Variants in LRP1B observed in about 807,000 individuals in gnomAD.
The protein encoded by LRP1B is low-density lipoprotein receptor-related protein 1B.
In LRP1B, 217 loss-of-function variants were observed where a neutral mutation model predicts 556.6. The observed-to-expected ratio is 0.39, with a 90% CI of 0.35 to 0.44. The LOEUF (loss-of-function observed/expected upper bound fraction) is 0.44. Ranked by LOEUF, LRP1B falls within the 20% of genes least tolerant of loss-of-function variation. LRP1B has a pLI of 1.00. For synonymous variants in LRP1B, 2,047 were observed against 1,865.8 expected (o/e 1.10, Z -2.50); for missense variants, 5,053 against 5,620.8 (o/e 0.90, Z 3.23).
chr2:141,976,932 G>A (rs1701903213), intron 1 of LRP1B, among the ~76,000 whole-genome samples: 1 of 152,038 alleles, frequency 6.6e-6, no homozygotes, highest in African/African-American at 2.4e-5. Flanking sequence ...GACAATTTAA[G>A]GAAGATATGC....
intron 37 of LRP1B, among the ~76,000 whole-genome samples, chr2:140,711,889 C>A (rs1404811783): frequency 6.6e-6 from 1 of 152,148 alleles, no homozygotes; most frequent in Non-Finnish European, 1.5e-5. Flanking sequence ...CTCATTTAAT[C>A]CTCCCAATTA....
At chr2:141,334,840 C>T (rs1437058620) in intron 3 of LRP1B, among the ~76,000 whole-genome samples, 1 of 152,174 alleles carries the variant, frequency 6.6e-6, no homozygotes, top group Non-Finnish European at 1.5e-5. Context: ...GCATGACCCA[C>T]CATGCCCGGC....
chr2:141,064,098 G>A (rs945006962), intron 7 of LRP1B, among the ~76,000 whole-genome samples: 2 of 152,050 alleles, frequency 1.3e-5, no homozygotes, highest in Non-Finnish European at 2.9e-5. Flanking sequence ...AACCTTGGAG[G>A]CATGCTGTTA....
intron 1 of LRP1B, among the ~76,000 whole-genome samples, chr2:142,058,075 C>T (rs1022529823): frequency 3.9e-5 from 6 of 152,094 alleles, no homozygotes; most frequent in African/African-American, 1.4e-4. Flanking sequence ...TGAATATGTA[C>T]TTTTGCTTTC....
chr2:140,420,886 G>A (rs997648060), intron 66 of LRP1B, among the ~76,000 whole-genome samples: 7 of 152,218 alleles, frequency 4.6e-5, no homozygotes, highest in East Asian at 3.9e-4. Context: ...AAATAAGTCC[G>A]TTATCTTGAT....
chr2:141,281,666 C>A (rs780079129), intron 3 of LRP1B, among the ~76,000 whole-genome samples: 4 of 151,996 alleles, frequency 2.6e-5, no homozygotes, highest in Non-Finnish European at 4.4e-5. Context: ...ATTTACATAA[C>A]TGTATTCTGC....
intron 43 of LRP1B, among the ~76,000 whole-genome samples, chr2:140,565,360 T>A (rs1681088217): frequency 6.6e-6 from 1 of 151,948 alleles, no homozygotes; most frequent in Non-Finnish European, 1.5e-5. Flanking sequence ...AATAAAATGT[T>A]TGAAAATTAG....
chr2:140,788,016 A>G (rs55663868), intron 32 of LRP1B, among the ~76,000 whole-genome samples: 65,811 of 152,054 alleles, frequency 0.43, 15,860 homozygotes, highest in East Asian at 0.58. Context: ...GTTTGGAAGC[A>G]CACAAACTTG....
At chr2:140,537,242 T>A (rs1200254130) in intron 45 of LRP1B, among the ~76,000 whole-genome samples, 1 of 148,480 alleles carries the variant, frequency 6.7e-6, no homozygotes, top group Non-Finnish European at 1.5e-5. Flanking sequence ...ATTATTATTA[T>A]TGTTTTTTAA....
At chr2:140,445,590 TG>T (rs1229122026) in intron 63 of LRP1B, among the ~76,000 whole-genome samples, 1 of 144,518 alleles carries the variant, frequency 6.9e-6, no homozygotes, top group South Asian at 2.2e-4. Flanking sequence ...GACTCCCAAG[TG>T]ATAATGCATT....
intron 82 of LRP1B, among the ~76,000 whole-genome samples, chr2:140,319,591 A>C (rs1168507326): frequency 3.9e-5 from 6 of 151,958 alleles, no homozygotes; most frequent in African/African-American, 1.5e-4. Context: ...ATGGATACAC[A>C]AGAGAAACAA....
At chr2:141,263,001 A>G (rs959516664) in intron 3 of LRP1B, among the ~76,000 whole-genome samples, 1 of 151,882 alleles carries the variant, frequency 6.6e-6, no homozygotes. Context: ...TCTTAACACT[A>G]CTGAGCCTTC....
At chr2:140,726,598 C>T (rs902656136) in intron 35 of LRP1B, among the ~76,000 whole-genome samples, 1 of 152,118 alleles carries the variant, frequency 6.6e-6, no homozygotes, top group Non-Finnish European at 1.5e-5. Flanking sequence ...AAGGTCATAC[C>T]TTTGGCATGT....
At chr2:140,626,207 G>A (rs12472864) in intron 41 of LRP1B, among the ~76,000 whole-genome samples, 34,683 of 152,012 alleles carry the variant, frequency 0.23, 4,276 homozygotes, top group Admixed American at 0.3. Context: ...GATTACCAGG[G>A]ATTAAGGGAG....
rs10654741 is a variant in LRP1B, at chr2:140,272,258, AACACACAC to A, written c.13143-1920_13143-1913del. Reference sequence around the variant, plus strand: ...GGCATTCAGCGTATGTGCACACACAAACACACACACACACACACACACACACACACACA... The same window carrying A: ...GGCATTCAGCGTATGTGCACACACAAACACACACACACACACACACACACA... On this transcript the variant is annotated intron_variant, in intron 85 of 90. Transcript: ENST00000389484. 6.5e-3 allele frequency among the ~76,000 whole-genome samples: 965 copies of A among 149,418 alleles called. 6 individuals are homozygous for A. The highest frequency in any genetic ancestry group is 0.027 in the South Asian group (126 of 4,726).
intron 3 of LRP1B, among the ~76,000 whole-genome samples, chr2:141,464,607 T>TATATATATATA (rs1295526699): frequency 1.7e-5 from 1 of 59,876 alleles, no homozygotes; most frequent in African/African-American, 5.9e-5. Flanking sequence ...TATATATATA[T>TATATATATATA]TTTTTTAGTA....
At chr2:141,608,445 T>C (rs1009926558) in intron 2 of LRP1B, among the ~76,000 whole-genome samples, 1 of 152,130 alleles carries the variant, frequency 6.6e-6, no homozygotes, top group African/African-American at 2.4e-5. Flanking sequence ...GAACAGCTTC[T>C]CCAATATCTG....
intron 80 of LRP1B, 59 bp downstream of exon 80, chr2:140,325,702 GT>G: frequency 9.1e-7 from 1 of 1,099,208 alleles, no homozygotes; most frequent in South Asian, 1.4e-5. Flanking sequence ...TTACATTTTT[GT>G]ATTAGTATTT....
intron 3 of LRP1B, among the ~76,000 whole-genome samples, chr2:141,368,631 C>T (rs1257415126): frequency 6.6e-6 from 1 of 152,088 alleles, no homozygotes; most frequent in African/African-American, 2.4e-5. Flanking sequence ...ATTTGTTTTG[C>T]TGATTTTACG....
Sources: allele counts gnomAD v4.1 joint callset (sites outside exome capture counted in the v4.1 genomes callset), GRCh38; gene constraint gnomAD v4.1.1; transcripts MANE v1.5; gene names NCBI Gene and HGNC (gene_info 2026-07-23, HGNC 2026-07-21).